The following CLASP1 variants were observed in gnomAD, a reference collection of about 807,000 sequenced individuals.
The protein encoded by CLASP1 is CLIP-associating protein 1.
In CLASP1, 38 loss-of-function variants were observed where a neutral mutation model predicts 192.3. The observed-to-expected ratio is 0.20, with a 90% CI of 0.15 to 0.26. CLASP1 has a LOEUF of 0.26. Ranked by LOEUF, CLASP1 falls within the 10% of genes least tolerant of loss-of-function variation. The pLI is 1.00. For synonymous variants in CLASP1, 691 were observed against 712.8 expected (o/e 0.97, Z 0.49); for missense variants, 1,433 against 1,932.5 (o/e 0.74, Z 4.85).
intron 2 of CLASP1, among the ~76,000 whole-genome samples, chr2:121,565,966 T>A (rs1162510250): frequency 6.6e-6 from 1 of 152,238 alleles, no homozygotes; most frequent in Non-Finnish European, 1.5e-5. Context: ...AAGTGAACTT[T>A]CTTGCAGGGT....
intron 37 of CLASP1, among the ~76,000 whole-genome samples, chr2:121,361,130 G>A (rs1405720999): frequency 2.0e-5 from 3 of 152,156 alleles, no homozygotes; most frequent in South Asian, 2.1e-4. Flanking sequence ...TTAAATGCCC[G>A]AGTCTAAGTA....
intron 1 of CLASP1, among the ~76,000 whole-genome samples, chr2:121,607,552 C>T (rs1391492105): frequency 6.6e-6 from 1 of 152,158 alleles, no homozygotes; most frequent in Non-Finnish European, 1.5e-5. Context: ...CCTATAGCTG[C>T]TGGAGCATTG....
At chr2:121,383,183 T>C (rs891793177) in intron 32 of CLASP1, among the ~76,000 whole-genome samples, 1 of 152,118 alleles carries the variant, frequency 6.6e-6, no homozygotes, top group Admixed American at 6.5e-5. Flanking sequence ...GGTAAGGCCA[T>C]GGGTGGAGTC....
chr2:121,341,186 C>T (rs2062736459), intron 39 of CLASP1, among the ~76,000 whole-genome samples: 1 of 152,148 alleles, frequency 6.6e-6, no homozygotes. Context: ...AAGCCGTGGG[C>T]AATTACAAGA....
intron 23 of CLASP1, among the ~76,000 whole-genome samples, 115 bp from the exon 24 acceptor site, chr2:121,414,318 C>T (rs1012419044): frequency 2.0e-5 from 3 of 152,170 alleles, no homozygotes; most frequent in Admixed American, 6.5e-5. Flanking sequence ...CATGTTTTCT[C>T]ACGAGAAGAA....
intron 2 of CLASP1, among the ~76,000 whole-genome samples, chr2:121,531,173 G>T (rs534161115): frequency 3.3e-5 from 5 of 152,112 alleles, no homozygotes; most frequent in Admixed American, 6.6e-5. Flanking sequence ...GATTTCAACA[G>T]AACTTCACCC....
At chr2:121,544,565 G>A (rs1575838249) in intron 2 of CLASP1, among the ~76,000 whole-genome samples, 1 of 151,954 alleles carries the variant, frequency 6.6e-6, no homozygotes, top group East Asian at 1.9e-4. Context: ...AGGGGGAAAG[G>A]TGCATTCATT....
At chr2:121,538,011 A>G (rs2095135456) in intron 2 of CLASP1, among the ~76,000 whole-genome samples, 1 of 152,210 alleles carries the variant, frequency 6.6e-6, no homozygotes, top group Non-Finnish European at 1.5e-5. Context: ...CTTAATGATG[A>G]AATGCTGAAA....
At chr2:121,600,554 C>A (rs78790361) in intron 2 of CLASP1, among the ~76,000 whole-genome samples, 2,796 of 152,282 alleles carry the variant, frequency 0.018, 71 homozygotes, top group African/African-American at 0.063. Context: ...GAAAAACTAA[C>A]CAATCTTCAA....
chr2:121,546,045 T>A (rs2057387880), intron 2 of CLASP1, among the ~76,000 whole-genome samples: 1 of 152,184 alleles, frequency 6.6e-6, no homozygotes, highest in African/African-American at 2.4e-5. Context: ...ACAGAAATGA[T>A]CTTTCAAGGT....
At chr2:121,644,690 C>T (rs2072817784) in intron 1 of CLASP1, among the ~76,000 whole-genome samples, 1 of 152,014 alleles carries the variant, frequency 6.6e-6, no homozygotes, top group Non-Finnish European at 1.5e-5. Flanking sequence ...GGCCAGGCTT[C>T]CTAGCACTTT....
At position 121,444,932 on chromosome 2, in the gene CLASP1, C is replaced by T. The variant is rs759062443; in HGVS notation, c.1912+2405G>A. The T allele has an allele frequency of 1.3e-5, 17 of 1,357,036 alleles. No individual in the cohort carries two copies. In the Admixed American group the frequency reaches 2.3e-4, roughly 19 times the overall value. 84.1% of individuals were successfully genotyped at this position (1,357,036 alleles called of 1,614,324 possible). A position where few individuals can be genotyped will look rare whatever the true frequency, so the allele number is the denominator to read the frequency against. On this transcript the variant is annotated intron_variant, in intron 19 of 39. Transcript: ENST00000263710. ...ACACACCTCAATCACAGAAACAAACCGCTTACCCTCCGCTTTAGTGGTAGT... is the reference window on the plus strand; with the variant it reads ...ACACACCTCAATCACAGAAACAAACTGCTTACCCTCCGCTTTAGTGGTAGT...
intron 1 of CLASP1, among the ~76,000 whole-genome samples, chr2:121,638,522 A>G (rs981378484): frequency 4.6e-5 from 7 of 152,204 alleles, no homozygotes; most frequent in Non-Finnish European, 1.5e-5. Context: ...CAGATATTGT[A>G]CAATAGTGTT....
At chr2:121,583,016 C>T (rs968103996) in intron 2 of CLASP1, among the ~76,000 whole-genome samples, 1 of 151,984 alleles carries the variant, frequency 6.6e-6, no homozygotes, top group Non-Finnish European at 1.5e-5. Context: ...AAACTCCTGA[C>T]CTCAAGTGAT....
At chr2:121,417,683 T>C (rs993923845) in intron 23 of CLASP1, among the ~76,000 whole-genome samples, 2 of 152,144 alleles carry the variant, frequency 1.3e-5, no homozygotes, top group Non-Finnish European at 2.9e-5. Flanking sequence ...TAAAGGACAA[T>C]GGGTCATAAA....
rs764197284 is a variant in CLASP1, at chr2:121,448,329, A to G, written c.1692-4T>C. 6.2e-6 allele frequency: 10 copies of G among 1,604,836 alleles called. No homozygotes were observed. The highest frequency in any genetic ancestry group is 1.7e-5 in the Admixed American group (1 of 60,022). On this transcript the variant is annotated splice_polypyrimidine_tract_variant and splice_region_variant and intron_variant, in intron 17 of 39. Transcript: ENST00000263710. ...TCTTTTGGCAGACAGCGGACGACTA[A>G]AAGTAAAGATGTATATTATTTATTA...
At chr2:121,455,848 T>C (rs1196105026) in intron 14 of CLASP1, among the ~76,000 whole-genome samples, 1 of 151,590 alleles carries the variant, frequency 6.6e-6, no homozygotes, top group Non-Finnish European at 1.5e-5. Context: ...GGTGACAGAG[T>C]GAGGTACCAC....
At chr2:121,631,072 T>C (rs1462453436) in intron 1 of CLASP1, among the ~76,000 whole-genome samples, 2 of 129,692 alleles carry the variant, frequency 1.5e-5, no homozygotes, top group Non-Finnish European at 3.1e-5. Flanking sequence ...GGCAGGAGAA[T>C]GGCATGAACC....
intron 37 of CLASP1, among the ~76,000 whole-genome samples, chr2:121,357,531 C>T (rs1262034726): frequency 1.3e-5 from 2 of 152,162 alleles, no homozygotes; most frequent in East Asian, 1.9e-4. Flanking sequence ...CTTCAAACCC[C>T]AAACTCAAAG....
Sources: allele counts gnomAD v4.1 joint callset (sites outside exome capture counted in the v4.1 genomes callset), GRCh38; gene constraint gnomAD v4.1.1; transcripts MANE v1.5; gene names NCBI Gene and HGNC (gene_info 2026-07-23, HGNC 2026-07-21).